The following PBRM1 variants were observed in gnomAD, a reference collection of about 807,000 sequenced individuals.
PBRM1 encodes the protein protein polybromo-1.
Under a neutral mutation model 194.5 loss-of-function variants are expected in PBRM1, and 27 were observed. The observed-to-expected ratio is 0.14, with a 90% CI of 0.10 to 0.19. The LOEUF is 0.19. Ranked by LOEUF, PBRM1 falls within the 10% of genes least tolerant of loss-of-function variation. The pLI, the probability that PBRM1 is intolerant of heterozygous loss-of-function variation, is 1.00. For missense variants in PBRM1, 1,466 were observed against 2,077.2 expected, an observed-to-expected ratio of 0.71 and a Z score of 5.72; for synonymous variants, 655 against 693.2, an observed-to-expected ratio of 0.94 and a Z score of 0.87.
intron 13 of PBRM1, among the ~76,000 whole-genome samples, chr3:52,619,082 C>T (rs150042484): frequency 0.012 from 1,783 of 152,132 alleles, 47 homozygotes; most frequent in African/African-American, 0.041. Flanking sequence ...TTAGTAGAGA[C>T]GGGGTTTCAC....
intron 25 of PBRM1, among the ~76,000 whole-genome samples, chr3:52,560,003 C>T (rs2083120692): frequency 6.6e-6 from 1 of 151,340 alleles, no homozygotes; most frequent in South Asian, 2.1e-4. Context: ...AAACTCTAAA[C>T]TTTGGGCTTT....
intron 2 of PBRM1, among the ~76,000 whole-genome samples, chr3:52,674,260 T>A (rs2097029536): frequency 6.6e-6 from 1 of 151,902 alleles, no homozygotes; most frequent in South Asian, 2.1e-4. Flanking sequence ...GGTAGGCGGA[T>A]CACCTAAGGT....
At chr3:52,615,391 C>A in exon 15 of PBRM1, 3 of 1,612,638 alleles carry the variant, frequency 1.9e-6, no homozygotes, top group Non-Finnish European at 2.5e-6. Context: ...CATCATCAGG[C>A]AGTGGGCCCA....
chr3:52,619,803 A>G (rs1404832027), intron 13 of PBRM1, among the ~76,000 whole-genome samples: 1 of 152,220 alleles, frequency 6.6e-6, no homozygotes, highest in Admixed American at 6.5e-5. Flanking sequence ...GAAAATAAAC[A>G]TCTATCCTTA....
chr3:52,549,484 A>G (rs1251251292), intron 29 of PBRM1, among the ~76,000 whole-genome samples: 9 of 152,196 alleles, frequency 5.9e-5, no homozygotes, highest in Admixed American at 5.9e-4. Flanking sequence ...CATCTATACT[A>G]ATGTCCAAAT....
intron 1 of PBRM1, 128 bp downstream of exon 1, chr3:52,685,621 G>C (rs941953993): frequency 1.4e-5 from 2 of 147,246 alleles, no homozygotes; most frequent in African/African-American, 5.0e-5. Flanking sequence ...CCGCGCGCCC[G>C]GCCCGACCCG....
chr3:52,587,453 G>A, exon 19 of PBRM1: 1 of 1,611,954 alleles, frequency 6.2e-7, no homozygotes, highest in Non-Finnish European at 8.5e-7. Flanking sequence ...TTTTCGTGTA[G>A]CCAGGTGGAA....
At chr3:52,644,172 T>C (rs2096217430) in intron 8 of PBRM1, among the ~76,000 whole-genome samples, 1 of 151,950 alleles carries the variant, frequency 6.6e-6, no homozygotes, top group African/African-American at 2.4e-5. Flanking sequence ...AAAGCAATAA[T>C]ATTTGTACAA....
chr3:52,565,619 T>C (rs1234531634), intron 22 of PBRM1, among the ~76,000 whole-genome samples: 2 of 152,046 alleles, frequency 1.3e-5, no homozygotes, highest in East Asian at 3.8e-4. Flanking sequence ...ATCATATATC[T>C]AGTAAGAGTC....
chr3:52,595,946 A>T (rs2093493823), intron 17 of PBRM1, among the ~76,000 whole-genome samples: 2 of 152,208 alleles, frequency 1.3e-5, no homozygotes, highest in South Asian at 4.1e-4. Flanking sequence ...AAATGAGTTC[A>T]CTGTAGACGT....
At chr3:52,606,044 G>A (rs62253731) in intron 16 of PBRM1, among the ~76,000 whole-genome samples, 2 of 152,040 alleles carry the variant, frequency 1.3e-5, no homozygotes, top group Admixed American at 6.6e-5. Flanking sequence ...CTGCTGCCCA[G>A]GCTGGAGTAC....
intron 11 of PBRM1, among the ~76,000 whole-genome samples, chr3:52,629,727 T>C (rs1398505370): frequency 3.9e-5 from 6 of 152,224 alleles, no homozygotes; most frequent in Non-Finnish European, 1.5e-5. Context: ...TTGTACAAAG[T>C]AGAGTCACTA....
chr3:52,633,873 C>T (rs529354855), intron 11 of PBRM1, among the ~76,000 whole-genome samples: 2 of 152,038 alleles, frequency 1.3e-5, no homozygotes, highest in South Asian at 2.1e-4. Context: ...GTGGTTGAGA[C>T]GTCCTACTAT....
upstream of PBRM1, among the ~76,000 whole-genome samples, chr3:52,684,559 T>A (rs1416614126): frequency 6.6e-6 from 1 of 152,166 alleles, no homozygotes; most frequent in African/African-American, 2.4e-5. Context: ...TGTCATTCGG[T>A]TTTTGGTATT....
intron 7 of PBRM1, among the ~76,000 whole-genome samples, chr3:52,648,065 C>T (rs1257888736): frequency 2.6e-5 from 4 of 152,010 alleles, no homozygotes; most frequent in Non-Finnish European, 4.4e-5. Context: ...CCTGCCACCA[C>T]GCCCAGCTAA....
chr3:52,627,722 C>T (rs2095489969), intron 12 of PBRM1, among the ~76,000 whole-genome samples: 1 of 152,130 alleles, frequency 6.6e-6, no homozygotes, highest in Non-Finnish European at 1.5e-5. Flanking sequence ...CTTTGGTACT[C>T]CTGACTTCTA....
intron 21 of PBRM1, among the ~76,000 whole-genome samples, chr3:52,577,892 C>T (rs942041992): frequency 3.3e-5 from 5 of 152,142 alleles, no homozygotes; most frequent in Non-Finnish European, 7.3e-5. Flanking sequence ...TTGAAACAAT[C>T]GATGGCACTC....
At chr3:52,636,113 T>G (rs545033122) in intron 10 of PBRM1, among the ~76,000 whole-genome samples, 1 of 151,888 alleles carries the variant, frequency 6.6e-6, no homozygotes, top group Non-Finnish European at 1.5e-5. Context: ...CCTCGTGATC[T>G]GCCCGCCTCG....
chr3:52,613,912 G>A (rs1003025384), intron 15 of PBRM1, among the ~76,000 whole-genome samples: 4 of 152,076 alleles, frequency 2.6e-5, no homozygotes, highest in African/African-American at 9.7e-5. Context: ...AACTTTAAAA[G>A]TTACTGTGTT....
Sources: gnomAD v4.1 joint callset for allele counts (sites outside exome capture counted in the v4.1 genomes callset) on GRCh38, gnomAD v4.1.1 for gene constraint, MANE v1.5 for transcripts, NCBI Gene and HGNC (gene_info 2026-07-23, HGNC 2026-07-21) for gene names.